Variants in RBPMS observed in about 807,000 individuals in gnomAD.
RBPMS encodes the protein RNA-binding protein with multiple splicing.
In RBPMS, 7 loss-of-function variants were observed where a neutral mutation model predicts 26.8. The observed-to-expected ratio is 0.26, with a 90% confidence interval of 0.15 to 0.49. RBPMS has a LOEUF of 0.49. Among genes scored for constraint, RBPMS ranks in the 20% least tolerant of loss-of-function variants. The pLI, the probability that RBPMS is intolerant of heterozygous loss-of-function variation, is 0.98. For missense variants in RBPMS, 186 were observed against 250.0 expected, an observed-to-expected ratio of 0.74 and a Z score of 1.73; for synonymous variants, 96 against 93.3, an observed-to-expected ratio of 1.03 and a Z score of -0.17.
intron 1 of RBPMS, among the ~76,000 whole-genome samples, chr8:30,464,956 G>A (rs1386644993): frequency 6.6e-6 from 1 of 152,176 alleles, no homozygotes; most frequent in African/African-American, 2.4e-5. Flanking sequence ...ACATTGGACT[G>A]ATGTATACAT....
intron 4 of RBPMS, among the ~76,000 whole-genome samples, chr8:30,499,863 G>T (rs1483512542): frequency 8.9e-6 from 1 of 112,580 alleles, no homozygotes; most frequent in African/African-American, 3.3e-5. Flanking sequence ...AATCAGTTCA[G>T]GGGAAACTGT....
chr8:30,521,928 C>A (rs1013182802), intron 5 of RBPMS, among the ~76,000 whole-genome samples: 1 of 151,990 alleles, frequency 6.6e-6, no homozygotes, highest in Non-Finnish European at 1.5e-5. Flanking sequence ...GGAGAAATGT[C>A]GGTCAAAAGA....
intron 1 of RBPMS, among the ~76,000 whole-genome samples, chr8:30,450,753 T>A (rs1253514628): frequency 7.1e-6 from 1 of 141,088 alleles, no homozygotes; most frequent in Non-Finnish European, 1.5e-5. Context: ...GTGACCAGTT[T>A]ATTTGTGGCT....
At chr8:30,434,727 A>G (rs1812269355) in intron 1 of RBPMS, among the ~76,000 whole-genome samples, 1 of 151,622 alleles carries the variant, frequency 6.6e-6, no homozygotes, top group Admixed American at 6.6e-5. Context: ...AAAGGCAACA[A>G]AAAGAAGTCA....
chr8:30,490,606 C>T (rs988043819), intron 4 of RBPMS, among the ~76,000 whole-genome samples: 3 of 152,058 alleles, frequency 2.0e-5, no homozygotes, highest in Non-Finnish European at 4.4e-5. Flanking sequence ...ATTACAGGCG[C>T]GTGCCTCCAC....
chr8:30,546,205 G>A (rs1467669687), intron 6 of RBPMS, among the ~76,000 whole-genome samples: 2 of 152,146 alleles, frequency 1.3e-5, no homozygotes, highest in Non-Finnish European at 2.9e-5. Flanking sequence ...CTAGACTGCC[G>A]GGTACAGATC....
intron 1 of RBPMS, among the ~76,000 whole-genome samples, chr8:30,474,214 T>G (rs564118334): frequency 9.2e-5 from 14 of 152,330 alleles, no homozygotes; most frequent in African/African-American, 2.9e-4. Flanking sequence ...GCATTGGGCT[T>G]AACTTTACTT....
At chr8:30,547,522 C>T in intron 6 of RBPMS, 2 of 1,497,750 alleles carry the variant, frequency 1.3e-6, no homozygotes, top group South Asian at 2.8e-5. Flanking sequence ...AAAATGAACT[C>T]AAGTAGACTG....
chr8:30,444,794 A>C (rs1420123462), intron 1 of RBPMS: 1 of 152,252 alleles, frequency 6.6e-6, no homozygotes, highest in Non-Finnish European at 1.5e-5. Flanking sequence ...AGTTTCAGAT[A>C]TCTATTTCAA....
chr8:30,542,503 C>T (rs1480869409), intron 5 of RBPMS, among the ~76,000 whole-genome samples: 1 of 152,180 alleles, frequency 6.6e-6, no homozygotes, highest in Non-Finnish European at 1.5e-5. Context: ...AAGGAAGGAC[C>T]ACTGACAGGC....
intron 4 of RBPMS, among the ~76,000 whole-genome samples, chr8:30,485,520 A>T (rs1818682037): frequency 6.6e-6 from 1 of 152,178 alleles, no homozygotes; most frequent in Admixed American, 6.5e-5. Flanking sequence ...TCTGTTTATA[A>T]CTGCTTAACT....
At chr8:30,567,347 C>T (rs1827967824) in intron 8 of RBPMS, among the ~76,000 whole-genome samples, 1 of 152,184 alleles carries the variant, frequency 6.6e-6, no homozygotes, top group African/African-American at 2.4e-5. Context: ...CCCACCACCC[C>T]AGAGAGCTTT....
At chr8:30,495,715 A>T (rs938600985) in intron 4 of RBPMS, among the ~76,000 whole-genome samples, 9 of 152,224 alleles carry the variant, frequency 5.9e-5, no homozygotes, top group Admixed American at 2.6e-4. Flanking sequence ...TGTCTTTGCA[A>T]GCAATGCCCT....
At chr8:30,529,487 A>C (rs1823968868) in intron 5 of RBPMS, among the ~76,000 whole-genome samples, 1 of 152,030 alleles carries the variant, frequency 6.6e-6, no homozygotes, top group South Asian at 2.1e-4. Flanking sequence ...GAGCAACAAG[A>C]GCAAAACTCC....
chr8:30,444,779 T>C (rs908013724), intron 1 of RBPMS: 1 of 152,250 alleles, frequency 6.6e-6, no homozygotes, highest in African/African-American at 2.4e-5. Flanking sequence ...CCAAAACAAT[T>C]GAACAGTTTC....
intron 1 of RBPMS, among the ~76,000 whole-genome samples, chr8:30,469,255 C>T (rs1480145892): frequency 1.3e-5 from 2 of 152,196 alleles, no homozygotes; most frequent in African/African-American, 4.8e-5. Context: ...CCTTTCTCTC[C>T]AGGGAAGCTC....
At chr8:30,496,731 T>A (rs916867021) in intron 4 of RBPMS, among the ~76,000 whole-genome samples, 1 of 152,238 alleles carries the variant, frequency 6.6e-6, no homozygotes, top group South Asian at 2.1e-4. Context: ...CACAGTGATA[T>A]ATTAATAAAT....
intron 1 of RBPMS, among the ~76,000 whole-genome samples, chr8:30,471,727 G>T (rs1001637835): frequency 2.0e-5 from 3 of 152,164 alleles, no homozygotes; most frequent in African/African-American, 7.2e-5. Context: ...GACAGGGAGG[G>T]CACACTGGAT....
intron 5 of RBPMS, among the ~76,000 whole-genome samples, chr8:30,505,464 T>G (rs1820985191): frequency 6.6e-6 from 1 of 152,240 alleles, no homozygotes; most frequent in African/African-American, 2.4e-5. Flanking sequence ...TCAGTCACTC[T>G]TGGTACTCAT....
Sources: allele counts gnomAD v4.1 joint callset (sites outside exome capture counted in the v4.1 genomes callset), GRCh38; gene constraint gnomAD v4.1.1; transcripts MANE v1.5; gene names NCBI Gene and HGNC (gene_info 2026-07-23, HGNC 2026-07-21).